The following PRDM16 variants were observed in gnomAD, a reference collection of about 807,000 sequenced individuals.
The protein encoded by PRDM16 is PR/SET domain 16.
Under a neutral mutation model 110.6 loss-of-function variants are expected in PRDM16, and 23 were observed. The ratio of observed to expected loss-of-function variants is 0.21; its 90% CI spans 0.15 to 0.29. The LOEUF is 0.29. PRDM16 is among the 10% of genes least tolerant of loss of function. The pLI is 1.00. For missense variants in PRDM16, 1,615 were observed against 1,794.3 expected (o/e 0.90, Z 1.81); for synonymous variants, 799 against 781.8 (o/e 1.02, Z -0.37).
intron 1 of PRDM16, 137 bp from the exon 2 acceptor site, chr1:3,185,988 C>A: frequency 1.5e-6 from 1 of 688,114 alleles, no homozygotes. Flanking sequence ...GTCTCCCGGG[C>A]AGGGGTGGCA....
Position 3,213,522 on chromosome 1 carries a change from G to C in PRDM16, c.387+27048G>C, listed in dbSNP as rs1245476211. Among the ~76,000 whole-genome samples, 1 of 152,188 alleles carries C rather than the reference G, an allele frequency of 6.6e-6. No homozygotes were observed. The highest frequency in any genetic ancestry group is 1.5e-5 in the Non-Finnish European group (1 of 68,026). ...CCCCTGGGTTTGGTTGTGCCCGTGGGGGGTTGCTAGAGAGTCCTTTGTCGC... is the reference window on the plus strand; with the variant it reads ...CCCCTGGGTTTGGTTGTGCCCGTGGCGGGTTGCTAGAGAGTCCTTTGTCGC... On this transcript the variant is annotated intron_variant, in intron 2 of 16. Coordinates refer to ENST00000270722, the MANE Select transcript of PRDM16 (RefSeq NM_022114.4). This position sits in a 1 kb window ranked among gnomAD's most constrained non-coding sequence, Gnocchi z 5.3.
intron 1 of PRDM16, among the ~76,000 whole-genome samples, chr1:3,087,389 C>T (rs1002560906): frequency 1.3e-5 from 2 of 152,208 alleles, no homozygotes; most frequent in Admixed American, 1.3e-4. Flanking sequence ...GGCTGAGGAA[C>T]GCGAGAGCAG....
chr1:3,241,942 A>G (rs528173621), intron 2 of PRDM16, among the ~76,000 whole-genome samples: 2 of 152,248 alleles, frequency 1.3e-5, no homozygotes, highest in African/African-American at 4.8e-5. Flanking sequence ...CCCCCTCCGA[A>G]TGTGAGGTTG....
intron 12 of PRDM16, among the ~76,000 whole-genome samples, chr1:3,419,184 T>G (rs535303015): frequency 6.6e-6 from 1 of 152,088 alleles, no homozygotes; most frequent in Admixed American, 6.5e-5. Flanking sequence ...GGCCAGGGAG[T>G]GGGCCAAAGG....
chr1:3,261,693 G>C (rs1052268221), intron 3 of PRDM16, among the ~76,000 whole-genome samples: 1 of 152,150 alleles, frequency 6.6e-6, no homozygotes, highest in Non-Finnish European at 1.5e-5. Flanking sequence ...TACCCCTGGA[G>C]CCAGACCCCC....
At chr1:3,072,823 CG>C (rs1641799521) in intron 1 of PRDM16, among the ~76,000 whole-genome samples, 1 of 152,250 alleles carries the variant, frequency 6.6e-6, no homozygotes, top group South Asian at 2.1e-4. Context: ...GGGTGGAGTG[CG>C]GGGCTGGCCG....
chr1:3,202,217 T>C (rs1487648942), intron 2 of PRDM16, among the ~76,000 whole-genome samples: 2 of 151,986 alleles, frequency 1.3e-5, no homozygotes, highest in Non-Finnish European at 2.9e-5. Flanking sequence ...GGAAACTGAG[T>C]CTGGGAAACA....
At chr1:3,142,638 G>C (rs539168581) in intron 1 of PRDM16, among the ~76,000 whole-genome samples, 4 of 152,300 alleles carry the variant, frequency 2.6e-5, no homozygotes, top group Non-Finnish European at 5.9e-5. Context: ...CCCAGTGTGC[G>C]GACCCCAGGG....
chr1:3,282,765 CTG>C (rs1203975567), intron 3 of PRDM16, among the ~76,000 whole-genome samples: 2 of 152,186 alleles, frequency 1.3e-5, no homozygotes, highest in Non-Finnish European at 2.9e-5. Context: ...GGAGGAGACA[CTG>C]TTGTCCGTCT....
intron 14 of PRDM16, among the ~76,000 whole-genome samples, chr1:3,429,770 A>G (rs747298267): frequency 6.6e-6 from 1 of 152,246 alleles, no homozygotes; most frequent in Non-Finnish European, 1.5e-5. Context: ...GAAGGCAGAA[A>G]GACAAGAGAT....
chr1:3,172,527 A>T (rs1438982248), intron 1 of PRDM16, among the ~76,000 whole-genome samples: 1 of 152,210 alleles, frequency 6.6e-6, no homozygotes, highest in African/African-American at 2.4e-5. Context: ...GCTTCACTGT[A>T]GCTAAAATGT....
At chr1:3,361,608 G>A (rs550627325) in intron 3 of PRDM16, among the ~76,000 whole-genome samples, 3 of 152,238 alleles carry the variant, frequency 2.0e-5, no homozygotes, top group Non-Finnish European at 4.4e-5. Context: ...TGAGCTCCTC[G>A]GATCGGGAGC....
chr1:3,275,313 G>A (rs1392961766), intron 3 of PRDM16, among the ~76,000 whole-genome samples: 3 of 152,204 alleles, frequency 2.0e-5, no homozygotes, highest in Non-Finnish European at 2.9e-5. Flanking sequence ...AGGATCAACC[G>A]GATATCGGGA....
rs1408506048 is a variant in PRDM16 at position 3,353,577 on chromosome 1, G to C, written c.439-31575G>C. 6.6e-6 allele frequency among the ~76,000 whole-genome samples: 1 copy of C among 152,222 alleles called. No individual in the cohort carries two copies. The highest frequency in any genetic ancestry group is 1.9e-4 in the East Asian group (1 of 5,186). On this transcript the variant is annotated intron_variant, in intron 3 of 16. Coordinates refer to ENST00000270722, the MANE Select transcript of PRDM16 (RefSeq NM_022114.4). This position sits in a 1 kb window ranked among gnomAD's most constrained non-coding sequence, Gnocchi z 5.4. Reference sequence around the variant, plus strand: ...CAAGTACTGGGGGCCACGGGCTGAGGGCACAGGCCACAGGGGATGAGTCCA... The same window carrying C: ...CAAGTACTGGGGGCCACGGGCTGAGCGCACAGGCCACAGGGGATGAGTCCA...
At chr1:3,414,185 G>A (rs1174923199) in intron 9 of PRDM16, among the ~76,000 whole-genome samples, 1 of 152,196 alleles carries the variant, frequency 6.6e-6, no homozygotes, top group African/African-American at 2.4e-5. Context: ...GGGTGCACGG[G>A]GCCTTCAGAG....
chr1:3,304,070 G>A (rs7514469), intron 3 of PRDM16, among the ~76,000 whole-genome samples: 21,877 of 140,246 alleles, frequency 0.16, 13 homozygotes, highest in East Asian at 0.25. Context: ...GCAGGAGGCT[G>A]TGGGCTCTTT....
chr1:3,129,262 G>C (rs1643281237), intron 1 of PRDM16, among the ~76,000 whole-genome samples: 1 of 151,214 alleles, frequency 6.6e-6, no homozygotes. Flanking sequence ...GTGTGGGTGT[G>C]TACATGTGTG....
intron 3 of PRDM16, among the ~76,000 whole-genome samples, chr1:3,322,577 T>C (rs1038911445): frequency 2.0e-5 from 3 of 151,972 alleles, no homozygotes; most frequent in Non-Finnish European, 4.4e-5. Context: ...AGGAGCTTCG[T>C]CCCTGCACGT....
chr1:3,279,202 G>A (rs1462450897), intron 3 of PRDM16, among the ~76,000 whole-genome samples: 2 of 152,208 alleles, frequency 1.3e-5, no homozygotes, highest in African/African-American at 2.4e-5. Flanking sequence ...AAAGACCGGC[G>A]GCCTCTCCTG....
Sources: allele counts gnomAD v4.1 joint callset (sites outside exome capture counted in the v4.1 genomes callset), GRCh38; gene constraint gnomAD v4.1.1; non-coding constraint Gnocchi (gnomAD v3.1); transcripts MANE v1.5; gene names NCBI Gene and HGNC (gene_info 2026-07-23, HGNC 2026-07-21).